The following PLA2G12A variants were observed in gnomAD, a reference collection of about 807,000 sequenced individuals.
PLA2G12A encodes group XIIA secretory phospholipase A2.
A neutral mutation model predicts 16.0 loss-of-function variants in PLA2G12A; 11 were observed. That is an observed-to-expected ratio of 0.69 (90% CI 0.43 to 1.13). The LOEUF (loss-of-function observed/expected upper bound fraction) is 1.13, where lower values mean the gene tolerates loss of function less well. PLA2G12A is among the 50% of genes most tolerant of loss of function. PLA2G12A has a pLI of 0.00. For synonymous variants in PLA2G12A, 77 were observed against 93.8 expected (o/e 0.82, Z 1.03); for missense variants, 214 against 237.3 (o/e 0.90, Z 0.65).
intron 1 of PLA2G12A, among the ~76,000 whole-genome samples, chr4:109,728,180 C>T (rs1231624813): frequency 2.0e-5 from 3 of 152,174 alleles, no homozygotes; most frequent in African/African-American, 4.8e-5. Context: ...AGTAAATTGC[C>T]TCCAACATGG....
intron 3 of PLA2G12A, 117 bp downstream of exon 3, chr4:109,717,431 G>A: frequency 1.8e-6 from 2 of 1,116,514 alleles, no homozygotes; most frequent in Admixed American, 2.4e-5. Flanking sequence ...TGAAGTCTGT[G>A]TCACAATAGA....
chr4:109,725,556 T>C (rs983639443), intron 1 of PLA2G12A, among the ~76,000 whole-genome samples: 1 of 152,226 alleles, frequency 6.6e-6, no homozygotes, highest in African/African-American at 2.4e-5. Flanking sequence ...CTCTAAAATT[T>C]GTAAGCGGAT....
At chr4:109,726,619 G>C (rs2107047) in intron 1 of PLA2G12A, among the ~76,000 whole-genome samples, 3 of 151,964 alleles carry the variant, frequency 2.0e-5, no homozygotes, top group African/African-American at 7.3e-5. Flanking sequence ...GAAAACATAC[G>C]TCACTGAATT....
intron 3 of PLA2G12A, among the ~76,000 whole-genome samples, chr4:109,714,904 T>G (rs1394691256): frequency 6.6e-6 from 1 of 152,042 alleles, no homozygotes; most frequent in African/African-American, 2.4e-5. Context: ...AATTTAAATT[T>G]TTTAAATTTA....
chr4:109,729,122 G>C (rs544025049), intron 1 of PLA2G12A, among the ~76,000 whole-genome samples: 2 of 152,228 alleles, frequency 1.3e-5, no homozygotes, highest in South Asian at 2.1e-4. Context: ...TACAAAGGTC[G>C]CAAGTTATTG....
At chr4:109,716,599 C>T (rs776472295) in intron 3 of PLA2G12A, among the ~76,000 whole-genome samples, 5 of 152,158 alleles carry the variant, frequency 3.3e-5, no homozygotes, top group African/African-American at 7.2e-5. Flanking sequence ...ACAAATACTT[C>T]ACTTCATCCT....
Position 109,717,405 on chromosome 4 carries a change from C to T in PLA2G12A, c.451+143G>A, listed in dbSNP as rs1579123219. 3 of 865,014 alleles carry T rather than the reference C, an allele frequency of 3.5e-6. No homozygotes were observed. In the Admixed American group the frequency reaches 8.1e-5, roughly 23 times the overall value. 53.6% of individuals were successfully genotyped at this position (865,014 alleles called of 1,614,324 possible). ...ATTTTAGATTATAAAATCATCAGCT[C>T]CTCACCTCAGAAAATTGAAGTCTGT... is the stretch of plus-strand genomic sequence containing the variant. On this transcript the variant is annotated intron_variant, in intron 3 of 3. Transcript: ENST00000243501.
At chr4:109,724,184 G>A (rs1033564479) in intron 1 of PLA2G12A, among the ~76,000 whole-genome samples, 6 of 152,138 alleles carry the variant, frequency 3.9e-5, no homozygotes, top group Non-Finnish European at 5.9e-5. Context: ...GGAGTGCAAT[G>A]GCATGATCTC....
chr4:109,721,007 G>A (rs1168618861), intron 1 of PLA2G12A, among the ~76,000 whole-genome samples: 2 of 152,024 alleles, frequency 1.3e-5, no homozygotes, highest in Non-Finnish European at 2.9e-5. Context: ...GGAGGCGGAG[G>A]TTGTGGTGAG....
chr4:109,711,145 A>C lies in PLA2G12A; in HGVS notation c.*3232T>G, dbSNP rs1173339627. The C allele has an allele frequency of 1.3e-5, 2 of 151,266 alleles. No individual in the cohort carries two copies. Among genetic ancestry groups the C allele is most frequent in the Non-Finnish European group, 2.9e-5 (2 of 67,910 alleles). The allele number at this position is 151,266 out of a possible 1,614,324, so 9.4% of individuals were successfully genotyped here. On this transcript the variant is annotated 3_prime_UTR_variant, in exon 4 of 4. Transcript: ENST00000243501. ...TTTAAAATCTAAACATATGCCACAAAATTTTGGGACAAATTTTGAGTTGAA... is the reference window on the plus strand; with the variant it reads ...TTTAAAATCTAAACATATGCCACAACATTTTGGGACAAATTTTGAGTTGAA...
intron 1 of PLA2G12A, among the ~76,000 whole-genome samples, chr4:109,721,000 G>A (rs892843551): frequency 6.6e-6 from 1 of 152,136 alleles, no homozygotes; most frequent in Non-Finnish European, 1.5e-5. Context: ...GAACCTAGGA[G>A]GCGGAGGTTG....
rs1488752590 is a variant in PLA2G12A, at chr4:109,711,136, AT to A, written c.*3240del. On this transcript the variant is annotated 3_prime_UTR_variant, in exon 4 of 4. Transcript: ENST00000243501. ...AATATCAACTTTAAAATCTAAACAT[AT>A]GCCACAAAATTTTGGGACAAATTTT... is the stretch of plus-strand genomic sequence containing the variant. The A allele has an allele frequency of 6.9e-6, 1 of 145,470 alleles. No homozygotes were observed. Among genetic ancestry groups the A allele is most frequent in the Non-Finnish European group, 1.5e-5 (1 of 67,338 alleles). The allele number at this position is 145,470 out of a possible 1,614,324, so 9.0% of individuals were successfully genotyped here.
At chr4:109,721,141 G>A (rs1730934027) in intron 1 of PLA2G12A, among the ~76,000 whole-genome samples, 1 of 152,104 alleles carries the variant, frequency 6.6e-6, no homozygotes, top group Non-Finnish European at 1.5e-5. Flanking sequence ...AAAAGGAATG[G>A]TTAAGATGAG....
At chr4:109,726,619 G>A (rs2107047) in intron 1 of PLA2G12A, among the ~76,000 whole-genome samples, 12,910 of 152,062 alleles carry the variant, frequency 0.085, 643 homozygotes, top group African/African-American at 0.13. Flanking sequence ...GAAAACATAC[G>A]TCACTGAATT....
rs535359020 is a variant in PLA2G12A at position 109,718,574 on chromosome 4, C to T, written c.285+109G>A. The stretch of plus-strand genomic sequence containing the variant: ...TCTAATAAACCTGATCACTCTTACA[C>T]CCAGCTAAATTATTTGTGAATCTAA... On this transcript the variant is annotated intron_variant, in intron 2 of 3. Transcript: ENST00000243501. 10 of 822,890 alleles carry T rather than the reference C, an allele frequency of 1.2e-5. No individual in the cohort carries two copies. The South Asian group carries it at 1.5e-4, about 13-fold the overall frequency. 51.0% of individuals were successfully genotyped at this position (822,890 alleles called of 1,614,324 possible). A position where few individuals can be genotyped will look rare whatever the true frequency, so the allele number is the denominator to read the frequency against.
rs1723020397 is a variant in PLA2G12A, at chr4:109,729,892, G to A, written c.-83C>T. 3 of 1,266,378 alleles carry A rather than the reference G, an allele frequency of 2.4e-6. No individual in the cohort carries two copies. The highest frequency in any genetic ancestry group is 6.1e-5 in the Admixed American group (2 of 32,580). 78.4% of individuals were successfully genotyped at this position (1,266,378 alleles called of 1,614,324 possible). A position where few individuals can be genotyped will look rare whatever the true frequency, so the allele number is the denominator to read the frequency against. On this transcript the variant is annotated 5_prime_UTR_variant, in exon 1 of 4. Coordinates refer to ENST00000243501, the MANE Select transcript of PLA2G12A (RefSeq NM_030821.5). ...GAGTCCCCAGGACGCGCTAGGCAGC[G>A]GCGCGGGCCCCGGACTTGGCAGCAG...
At chr4:109,726,984 C>A (rs1222581877) in intron 1 of PLA2G12A, among the ~76,000 whole-genome samples, 2 of 151,368 alleles carry the variant, frequency 1.3e-5, no homozygotes, top group African/African-American at 4.9e-5. Context: ...CTAAAAATAC[C>A]CCTTAATCAC....
At position 109,730,064 on chromosome 4, in the gene PLA2G12A, CCT is replaced by C; in HGVS notation, c.-257_-256del. 2.7e-6 allele frequency: 1 copy of C among 365,358 alleles called. No individual in the cohort carries two copies. The highest frequency in any genetic ancestry group is 4.9e-6 in the Non-Finnish European group (1 of 205,094). The allele number at this position is 365,358 out of a possible 1,614,324, so 22.6% of individuals were successfully genotyped here. On this transcript the variant is annotated 5_prime_UTR_variant, in exon 1 of 4. Transcript: ENST00000243501. ...CGCTCACCTGGGCCAGCAACCGTCCCCTGTGCGCCTGCGCCGGAGCACGGCGC... is the reference window on the plus strand; with the variant it reads ...CGCTCACCTGGGCCAGCAACCGTCCCGTGCGCCTGCGCCGGAGCACGGCGC...
chr4:109,713,936 T>C lies in PLA2G12A; in HGVS notation c.*441A>G, dbSNP rs1036535982. 2 of 158,882 alleles carry C rather than the reference T, an allele frequency of 1.3e-5. No homozygotes were observed. The highest frequency in any genetic ancestry group is 4.8e-5 in the African/African-American group (2 of 41,534). The allele number at this position is 158,882 out of a possible 1,614,324, so 9.8% of individuals were successfully genotyped here. A position where few individuals can be genotyped will look rare whatever the true frequency, so the allele number is the denominator to read the frequency against. On this transcript the variant is annotated 3_prime_UTR_variant, in exon 4 of 4. Coordinates refer to ENST00000243501, the MANE Select transcript of PLA2G12A (RefSeq NM_030821.5). ...CGTTCCTTCTAGGCATAAATGTGTA[T>C]TTAAAATTTCATAGTAAACAAATAC...
Sources: allele counts gnomAD v4.1 joint callset (sites outside exome capture counted in the v4.1 genomes callset), GRCh38; gene constraint gnomAD v4.1.1; transcripts MANE v1.5; gene names NCBI Gene and HGNC (gene_info 2026-07-23, HGNC 2026-07-21).